NRG3: variants seen among roughly 807,000 people sequenced by gnomAD.
NRG3 encodes pro-neuregulin-3, membrane-bound isoform.
NRG3 carries 31 observed loss-of-function variants against 66.9 expected under a neutral mutation model. The ratio of observed to expected loss-of-function variants is 0.46; its 90% CI spans 0.35 to 0.63. The LOEUF is 0.63. Among genes scored for constraint, NRG3 ranks in the 20% least tolerant of loss-of-function variants. The pLI is 0.00. For synonymous variants in NRG3, 393 were observed against 359.4 expected (o/e 1.09, Z -1.06); for missense variants, 910 against 878.9 (o/e 1.04, Z -0.45).
intron 4 of NRG3, among the ~76,000 whole-genome samples, chr10:82,865,924 G>T (rs761176045): frequency 6.6e-6 from 1 of 152,132 alleles, no homozygotes; most frequent in South Asian, 2.1e-4. Flanking sequence ...TTAGTTTGGA[G>T]TGTGGGCTAT....
chr10:82,540,784 A>G (rs2043491066), intron 2 of NRG3, among the ~76,000 whole-genome samples: 1 of 152,156 alleles, frequency 6.6e-6, no homozygotes, highest in Admixed American at 6.5e-5. Context: ...TAAGAGTTAT[A>G]ATTTTGGCTT....
chr10:82,966,801 A>T (rs893364263), intron 6 of NRG3, among the ~76,000 whole-genome samples: 9 of 152,164 alleles, frequency 5.9e-5, no homozygotes, highest in Non-Finnish European at 1.2e-4. Flanking sequence ...TTTGATTTGT[A>T]ATCTAAGTAG....
intron 2 of NRG3, among the ~76,000 whole-genome samples, chr10:82,500,295 C>G (rs1844045310): frequency 6.6e-6 from 1 of 152,056 alleles, no homozygotes; most frequent in South Asian, 2.1e-4. Context: ...TTGCATTAAG[C>G]CAGAAATTCA....
intron 8 of NRG3, among the ~76,000 whole-genome samples, chr10:82,981,744 G>A (rs1407125821): frequency 2.6e-5 from 4 of 152,136 alleles, no homozygotes; most frequent in Middle Eastern, 3.2e-3. Context: ...GTCATGACTG[G>A]ATCCCTGGTC....
chr10:82,563,816 C>A (rs2045214995), intron 2 of NRG3, among the ~76,000 whole-genome samples: 1 of 151,782 alleles, frequency 6.6e-6, no homozygotes, highest in Non-Finnish European at 1.5e-5. Context: ...CTATAGATAC[C>A]AAGCTAATTA....
chr10:81,948,642 G>C (rs1849060247), intron 1 of NRG3, among the ~76,000 whole-genome samples: 1 of 152,138 alleles, frequency 6.6e-6, no homozygotes, highest in African/African-American at 2.4e-5. Context: ...ACAAAGGAAA[G>C]GCCAGGCTGT....
intron 1 of NRG3, among the ~76,000 whole-genome samples, chr10:82,110,005 AG>A (rs1287942687): frequency 6.6e-6 from 1 of 152,202 alleles, no homozygotes; most frequent in African/African-American, 2.4e-5. Flanking sequence ...ATGGAAAAGC[AG>A]TGGTGAAACA....
At chr10:81,890,077 A>G (rs1261061196) in intron 1 of NRG3, among the ~76,000 whole-genome samples, 1 of 152,226 alleles carries the variant, frequency 6.6e-6, no homozygotes, top group Non-Finnish European at 1.5e-5. Context: ...CTAAATGACT[A>G]GATAACACAA....
intron 4 of NRG3, among the ~76,000 whole-genome samples, chr10:82,901,455 A>C (rs1844213657): frequency 6.6e-6 from 1 of 152,154 alleles, no homozygotes; most frequent in Non-Finnish European, 1.5e-5. Context: ...AGCCAAAAAA[A>C]ATACAATTCA....
At chr10:82,654,241 G>A (rs2133913467) in intron 2 of NRG3, among the ~76,000 whole-genome samples, 1 of 152,228 alleles carries the variant, frequency 6.6e-6, no homozygotes, top group Admixed American at 6.5e-5. Context: ...CTATTCTCAA[G>A]AATTTTATCT....
chr10:82,101,481 T>G (rs1465722458), intron 1 of NRG3, among the ~76,000 whole-genome samples: 1 of 151,892 alleles, frequency 6.6e-6, no homozygotes, highest in African/African-American at 2.4e-5. Flanking sequence ...ATGCTGTAAA[T>G]TTTCTGCAAA....
chr10:81,971,605 A>G (rs1389204852), intron 1 of NRG3, among the ~76,000 whole-genome samples: 4 of 152,252 alleles, frequency 2.6e-5, no homozygotes, highest in African/African-American at 9.6e-5. Flanking sequence ...ACTGAACATC[A>G]GACAGTGAAG....
intron 2 of NRG3, among the ~76,000 whole-genome samples, chr10:82,662,188 G>T (rs1299063465): frequency 6.6e-6 from 1 of 151,934 alleles, no homozygotes; most frequent in Non-Finnish European, 1.5e-5. Flanking sequence ...CATATCTTTT[G>T]TTGTGTTTTT....
At chr10:82,111,795 G>A (rs2067403321) in intron 1 of NRG3, among the ~76,000 whole-genome samples, 1 of 152,102 alleles carries the variant, frequency 6.6e-6, no homozygotes, top group Non-Finnish European at 1.5e-5. Flanking sequence ...TATGAAGCTT[G>A]TCTTGTCTTG....
chr10:82,514,937 G>A (rs1845514806), intron 2 of NRG3, among the ~76,000 whole-genome samples: 1 of 152,056 alleles, frequency 6.6e-6, no homozygotes, highest in African/African-American at 2.4e-5. Context: ...ATAACCACTG[G>A]ATCACAGAAT....
chr10:81,887,937 T>G (rs1443081478), intron 1 of NRG3, among the ~76,000 whole-genome samples: 1 of 152,126 alleles, frequency 6.6e-6, no homozygotes, highest in Non-Finnish European at 1.5e-5. Context: ...TCATCAAAAT[T>G]TAGTAACTTC....
chr10:82,817,036 T>C (rs564952159), intron 3 of NRG3, among the ~76,000 whole-genome samples: 1 of 152,338 alleles, frequency 6.6e-6, no homozygotes, highest in Non-Finnish European at 1.5e-5. Context: ...GTAGAAGAAA[T>C]TGTATCAGTT....
intron 3 of NRG3, among the ~76,000 whole-genome samples, chr10:82,756,034 C>T (rs931983715): frequency 1.3e-5 from 2 of 151,990 alleles, no homozygotes. Flanking sequence ...TCTGTAGACA[C>T]CTTTTTTTTT....
chr10:82,180,668 A>C (rs1589232826), intron 1 of NRG3, among the ~76,000 whole-genome samples: 2 of 151,930 alleles, frequency 1.3e-5, no homozygotes, highest in African/African-American at 4.8e-5. Flanking sequence ...AGATTTTTAC[A>C]TGCATATTCA....
Sources: allele counts gnomAD v4.1 joint callset (sites outside exome capture counted in the v4.1 genomes callset), GRCh38; gene constraint gnomAD v4.1.1; transcripts MANE v1.5; gene names NCBI Gene and HGNC (gene_info 2026-07-23, HGNC 2026-07-21).